ADAM20: variants seen among roughly 807,000 people sequenced by gnomAD.
ADAM20 encodes disintegrin and metalloproteinase domain-containing protein 20.
For synonymous variants in ADAM20, 305 were observed against 310.2 expected (o/e 0.98, Z 0.18); for missense variants, 871 against 883.2 (o/e 0.99, Z 0.18).
the ADAM20 span, chr14:70,547,519 T>A: frequency 8.0e-6 from 1 of 124,364 alleles, no homozygotes; most frequent in Non-Finnish European, 1.7e-5. Context: ...GGAGTTCCCT[T>A]TCCGAGTCAA....
chr14:70,523,020 T>C lies in ADAM20; in HGVS notation c.1738A>G (p.Thr580Ala), dbSNP rs770712348. The C allele has an allele frequency of 1.2e-6, 2 of 1,614,056 alleles. No homozygotes were observed. Among genetic ancestry groups the C allele is most frequent in the Non-Finnish European group, 1.7e-6 (2 of 1,179,972 alleles). ...GVIPNLIEHS[T>A]VQQFHLNDTT... ...TCATTGAGGTGAAACTGCTGCACTG[T>C]AGAATGCTCTATCAGATTGGGAATT... Residue 580 changes from threonine (T) to alanine (A), a missense_variant, in exon 2 of 2, where the codon ACA (threonine) becomes GCA (alanine). Thr to Ala is a moderately conservative substitution (Grantham distance 58). Coordinates refer to ENST00000256389, the MANE Select transcript of ADAM20 (RefSeq NM_003814.5).
the ADAM20 span, chr14:70,556,382 G>A: frequency 0.016 from 2,441 of 152,404 alleles, 44 homozygotes; most frequent in African/African-American, 0.04. Context: ...CGCTCCCCAC[G>A]AGGAAAAGCC....
chr14:70,533,058 T>G (rs778609788), intron 1 of ADAM20, among the ~76,000 whole-genome samples: 2 of 152,196 alleles, frequency 1.3e-5, no homozygotes, highest in African/African-American at 2.4e-5. Flanking sequence ...TGATACCATC[T>G]CATGCCAGTT....
At chr14:70,579,271 C>A in the ADAM20 span, among the ~76,000 whole-genome samples, 60 of 152,216 alleles carry the variant, frequency 3.9e-4, no homozygotes, top group African/African-American at 1.4e-3. Context: ...AAACTGCTTT[C>A]CACAGGTGCA....
intron 1 of ADAM20, among the ~76,000 whole-genome samples, chr14:70,528,146 G>A (rs1046826400): frequency 6.6e-6 from 1 of 152,106 alleles, no homozygotes; most frequent in Non-Finnish European, 1.5e-5. Context: ...GATATAAAAT[G>A]TTCATACTTT....
At chr14:70,557,751 A>ATTT in the ADAM20 span, among the ~76,000 whole-genome samples, 101 of 145,486 alleles carry the variant, frequency 6.9e-4, no homozygotes, top group East Asian at 6.9e-3. Context: ...TTCTTAAAAC[A>ATTT]TTTTTTTTTT....
In ADAM20 at chr14:70,530,065, G is replaced by A. The variant is rs574440387; in HGVS notation, c.-177+4732C>T. 4.0e-4 allele frequency among the ~76,000 whole-genome samples: 61 copies of A among 152,266 alleles called. 1 individual carries two copies. In the Middle Eastern group the frequency reaches 0.024, roughly 59 times the overall value. ...TGGGAGGCCAAGGCGGGTGGATCAC[G>A]AGGTCAGGAGTTTGAAACCAGCCTG... On this transcript the variant is annotated intron_variant, in intron 1 of 1. Coordinates refer to ENST00000256389, the MANE Select transcript of ADAM20 (RefSeq NM_003814.5).
rs1883471554 is a variant in ADAM20 at position 70,522,500 on chromosome 14, C to T, written c.*77G>A. 1 of 1,345,366 alleles carries T rather than the reference C, an allele frequency of 7.4e-7. No individual in the cohort carries two copies. Among genetic ancestry groups the T allele is most frequent in the Non-Finnish European group, 9.9e-7 (1 of 1,007,902 alleles). 83.3% of individuals were successfully genotyped at this position (1,345,366 alleles called of 1,614,324 possible). A position where few individuals can be genotyped will look rare whatever the true frequency, so the allele number is the denominator to read the frequency against. On this transcript the variant is annotated 3_prime_UTR_variant, in exon 2 of 2. Coordinates refer to ENST00000256389, the MANE Select transcript of ADAM20 (RefSeq NM_003814.5). ...GTTTTATTTAAACAGTGAGACATGG[C>T]TTCATATTTTTCTATTAAAAAATTG...
chr14:70,523,976 G>A lies in ADAM20; in HGVS notation c.782C>T (p.Thr261Ile). 6.2e-7 allele frequency: 1 copy of A among 1,613,958 alleles called. No individual in the cohort carries two copies. The highest frequency in any genetic ancestry group is 8.5e-7 in the Non-Finnish European group (1 of 1,179,924). ...DVILTGIDIW[T>I]ASNPLPTSGD... ...ACTGGTAGGAAGTGGATTTGATGCA[G>A]TCCATATATCAATTCCAGTCAAAAT... Residue 261 changes from threonine to isoleucine, a missense_variant, in exon 2 of 2, where the codon ACT (threonine) becomes ATT (isoleucine). Thr to Ile is a moderately conservative substitution (Grantham distance 89). Coordinates refer to ENST00000256389, the MANE Select transcript of ADAM20 (RefSeq NM_003814.5).
the ADAM20 span, among the ~76,000 whole-genome samples, chr14:70,546,897 C>T: frequency 7.2e-5 from 11 of 152,070 alleles, no homozygotes; most frequent in African/African-American, 2.2e-4. Context: ...AAAACAACAA[C>T]AACAACAACA....
At chr14:70,550,582 T>G in the ADAM20 span, among the ~76,000 whole-genome samples, 43 of 73,526 alleles carry the variant, frequency 5.8e-4, no homozygotes, top group African/African-American at 2.7e-3. Context: ...CCTCGACACA[T>G]ACACTCTCCC....
At chr14:70,533,254 A>G (rs1241354623) in intron 1 of ADAM20, among the ~76,000 whole-genome samples, 1 of 152,206 alleles carries the variant, frequency 6.6e-6, no homozygotes, top group Non-Finnish European at 1.5e-5. Flanking sequence ...TACTGAGTAT[A>G]TACTCAAAGG....
chr14:70,563,392 G>A, the ADAM20 span, among the ~76,000 whole-genome samples: 1 of 152,166 alleles, frequency 6.6e-6, no homozygotes, highest in African/African-American at 2.4e-5. Flanking sequence ...TCTGGTGTTG[G>A]TTTACCCTCA....
intron 1 of ADAM20, among the ~76,000 whole-genome samples, chr14:70,530,727 AAAC>A (rs1322567253): frequency 3.3e-5 from 5 of 152,218 alleles, no homozygotes; most frequent in Non-Finnish European, 5.9e-5. Context: ...GATGGAAATT[AAAC>A]AACACCAACC....
chr14:70,526,578 A>G (rs1337050936), intron 1 of ADAM20, among the ~76,000 whole-genome samples: 1 of 152,224 alleles, frequency 6.6e-6, no homozygotes, highest in Non-Finnish European at 1.5e-5. Flanking sequence ...GATAAAACCT[A>G]TATTACATAT....
rs766180924 is a variant in ADAM20 at position 70,523,375 on chromosome 14, T to C, written c.1383A>G (p.Ser461=). ...CAACTTGTTGTCTACATAAAGTTCC[T>C]GATGGCAGAAATTTGCAGTCTTTGC... The part of the protein sequence containing the change: ...ICCKDCKFLP[S]GTLCRQQVGE... Residue 461 remains serine, a synonymous_variant, in exon 2 of 2, where the codon TCA becomes TCG. Coordinates refer to ENST00000256389, the MANE Select transcript of ADAM20 (RefSeq NM_003814.5). 4 of 1,613,978 alleles carry C rather than the reference T, an allele frequency of 2.5e-6. No homozygotes were observed. Among genetic ancestry groups the C allele is most frequent in the African/African-American group, 1.3e-5 (1 of 74,920 alleles).
At chr14:70,531,293 T>C (rs1883706123) in intron 1 of ADAM20, among the ~76,000 whole-genome samples, 1 of 152,138 alleles carries the variant, frequency 6.6e-6, no homozygotes, top group Non-Finnish European at 1.5e-5. Context: ...GAAAAAGCAT[T>C]TGACAAAATC....
the ADAM20 span, among the ~76,000 whole-genome samples, chr14:70,541,798 T>C: frequency 6.6e-6 from 1 of 152,238 alleles, no homozygotes; most frequent in Admixed American, 6.5e-5. Context: ...ACATTATCAG[T>C]AATAATTACA....
At chr14:70,562,657 G>T in the ADAM20 span, among the ~76,000 whole-genome samples, 1 of 152,158 alleles carries the variant, frequency 6.6e-6, no homozygotes, top group Non-Finnish European at 1.5e-5. Context: ...GTTCTCACAA[G>T]ATCAATGGTT....
Sources: gnomAD v4.1 joint callset for allele counts (sites outside exome capture counted in the v4.1 genomes callset) on GRCh38, gnomAD v4.1.1 for gene constraint, MANE v1.5 for transcripts, NCBI Gene and HGNC (gene_info 2026-07-23, HGNC 2026-07-21) for gene names.